RIMS2: variants seen among roughly 807,000 people sequenced by gnomAD.
RIMS2 encodes the protein regulating synaptic membrane exocytosis 2.
Under a neutral mutation model 174.4 loss-of-function variants are expected in RIMS2, and 59 were observed. The ratio of observed to expected loss-of-function variants is 0.34; its 90% CI spans 0.27 to 0.42. The LOEUF (loss-of-function observed/expected upper bound fraction) is 0.42. Ranked by LOEUF, RIMS2 falls within the 10% of genes least tolerant of loss-of-function variation. The pLI, the probability that RIMS2 is intolerant of heterozygous loss-of-function variation, is 1.00. For synonymous variants in RIMS2, 606 were observed against 572.5 expected, an observed-to-expected ratio of 1.06 and a Z score of -0.84; for missense variants, 1,620 against 1,666.3, an observed-to-expected ratio of 0.97 and a Z score of 0.48.
intron 1 of RIMS2, among the ~76,000 whole-genome samples, chr8:103,587,305 C>G (rs2093979467): frequency 6.6e-6 from 1 of 151,540 alleles, no homozygotes; most frequent in African/African-American, 2.4e-5. Context: ...CAGTTCTACT[C>G]AAATTATTTT....
At chr8:104,127,794 C>G (rs759328203) in intron 19 of RIMS2, among the ~76,000 whole-genome samples, 1 of 151,898 alleles carries the variant, frequency 6.6e-6, no homozygotes, top group African/African-American at 2.4e-5. Flanking sequence ...AAAACTTATA[C>G]GTGAAATGCC....
At chr8:104,024,606 T>C (rs79545377) in intron 19 of RIMS2, among the ~76,000 whole-genome samples, 105 of 152,310 alleles carry the variant, frequency 6.9e-4, no homozygotes, top group African/African-American at 2.5e-3. Flanking sequence ...AACCAATGTC[T>C]GCTATTTTAA....
chr8:103,805,312 C>T (rs1417496982), intron 3 of RIMS2, among the ~76,000 whole-genome samples: 3 of 152,074 alleles, frequency 2.0e-5, no homozygotes, highest in Non-Finnish European at 4.4e-5. Flanking sequence ...ATTTGGGATG[C>T]ATCTTAGTGT....
intron 4 of RIMS2, among the ~76,000 whole-genome samples, chr8:103,906,147 A>G (rs1299389438): frequency 6.6e-6 from 1 of 152,178 alleles, no homozygotes; most frequent in African/African-American, 2.4e-5. Context: ...TATATGAATT[A>G]CCATTAATTA....
chr8:103,898,998 T>G (rs930364864), intron 4 of RIMS2, among the ~76,000 whole-genome samples: 31 of 151,676 alleles, frequency 2.0e-4, no homozygotes, highest in African/African-American at 7.6e-4. Context: ...TGTGATAGTT[T>G]GCTGAGAATG....
intron 1 of RIMS2, among the ~76,000 whole-genome samples, chr8:103,523,968 A>C (rs773166607): frequency 4.6e-5 from 7 of 152,188 alleles, no homozygotes; most frequent in Non-Finnish European, 8.8e-5. Context: ...CTTCAAAACT[A>C]AGATGATTTT....
chr8:103,801,594 G>A (rs2098608424), intron 3 of RIMS2, among the ~76,000 whole-genome samples: 1 of 152,038 alleles, frequency 6.6e-6, no homozygotes, highest in Non-Finnish European at 1.5e-5. Context: ...ATATCTGCCA[G>A]TACTATTGGG....
chr8:104,049,472 G>C (rs1480342924), intron 19 of RIMS2, among the ~76,000 whole-genome samples: 2 of 152,002 alleles, frequency 1.3e-5, no homozygotes, highest in Non-Finnish European at 2.9e-5. Context: ...CCATGCTTTT[G>C]TTAAAGAACA....
At chr8:103,710,212 C>G (rs2097287373) in intron 2 of RIMS2, among the ~76,000 whole-genome samples, 1 of 151,990 alleles carries the variant, frequency 6.6e-6, no homozygotes, top group Non-Finnish European at 1.5e-5. Context: ...AATGAGAACA[C>G]AAATATTATA....
chr8:103,940,427 A>G (rs1158367324), intron 13 of RIMS2, among the ~76,000 whole-genome samples: 1 of 152,222 alleles, frequency 6.6e-6, no homozygotes, highest in African/African-American at 2.4e-5. Flanking sequence ...GGTCTCTCCC[A>G]TGACACAAGG....
At chr8:104,041,199 G>A in intron 19 of RIMS2, 127 bp from the exon 22 acceptor site, 1 of 458,144 alleles carries the variant, frequency 2.2e-6, no homozygotes, top group Non-Finnish European at 3.9e-6. Flanking sequence ...CCCTAAAACT[G>A]TACACAGGAT....
At chr8:103,787,653 A>T (rs541715352) in intron 3 of RIMS2, among the ~76,000 whole-genome samples, 1,544 of 152,190 alleles carry the variant, frequency 0.01, 30 homozygotes, top group African/African-American at 0.035. Context: ...TGTTAGTCTG[A>T]TGGGCTTCCC....
intron 19 of RIMS2, among the ~76,000 whole-genome samples, chr8:104,196,896 A>G (rs1006220725): frequency 6.6e-6 from 1 of 152,166 alleles, no homozygotes; most frequent in Non-Finnish European, 1.5e-5. Context: ...AAGTTTATAA[A>G]CTTCTATCCC....
intron 12 of RIMS2, among the ~76,000 whole-genome samples, chr8:103,935,835 C>G (rs2154535090): frequency 6.6e-6 from 1 of 152,018 alleles, no homozygotes; most frequent in East Asian, 1.9e-4. Flanking sequence ...GTATATTTCC[C>G]AATATGGACA....
At chr8:104,099,484 AC>A (rs1349659971) in intron 19 of RIMS2, among the ~76,000 whole-genome samples, 1 of 152,170 alleles carries the variant, frequency 6.6e-6, no homozygotes, top group Non-Finnish European at 1.5e-5. Context: ...TCAACTGGGA[AC>A]TTTTTGAAAG....
intron 2 of RIMS2, among the ~76,000 whole-genome samples, chr8:103,708,321 G>A (rs115020766): frequency 1.8e-3 from 278 of 152,286 alleles, no homozygotes; most frequent in African/African-American, 6.5e-3. Flanking sequence ...ATGGGCACTT[G>A]TGGAATTCTG....
chr8:103,825,446 A>ATTTTTTTTTTTTTTTTT, intron 3 of RIMS2, among the ~76,000 whole-genome samples: 1 of 131,850 alleles, frequency 7.6e-6, no homozygotes, highest in Non-Finnish European at 1.6e-5. Context: ...TGGCTAGCTA[A>ATTTTTTTTTTTTTTTTT]TTTTTTTTTT....
At chr8:104,196,755 G>T (rs977162676) in intron 19 of RIMS2, among the ~76,000 whole-genome samples, 1 of 151,246 alleles carries the variant, frequency 6.6e-6, no homozygotes, top group East Asian at 1.9e-4. Context: ...TGTCGTATTT[G>T]GAAATGATAT....
At chr8:103,942,176 G>C (rs1406946298) in intron 13 of RIMS2, among the ~76,000 whole-genome samples, 1 of 152,066 alleles carries the variant, frequency 6.6e-6, no homozygotes, top group Non-Finnish European at 1.5e-5. Context: ...CCCAGTACGT[G>C]TTATTTGCCT....
Sources: allele counts gnomAD v4.1 joint callset (sites outside exome capture counted in the v4.1 genomes callset), GRCh38; gene constraint gnomAD v4.1.1; transcripts MANE v1.5; gene names NCBI Gene and HGNC (gene_info 2026-07-23, HGNC 2026-07-21).